The following CNBD1 variants were observed in gnomAD, a reference collection of about 807,000 sequenced individuals.
The protein encoded by CNBD1 is cyclic nucleotide-binding domain-containing protein 1.
Under a neutral mutation model 54.4 loss-of-function variants are expected in CNBD1, and 71 were observed. The observed-to-expected ratio is 1.30, with a 90% CI of 1.08 to 1.59. CNBD1 has a LOEUF of 1.59. Among genes scored for constraint, CNBD1 ranks in the 40% most tolerant of loss-of-function variants. CNBD1 has a pLI of 0.00. For synonymous variants in CNBD1, 182 were observed against 170.7 expected (o/e 1.07, Z -0.51); for missense variants, 659 against 518.0 (o/e 1.27, Z -2.64).
chr8:87,354,603 G>C (rs967874835), intron 10 of CNBD1, among the ~76,000 whole-genome samples: 1 of 148,114 alleles, frequency 6.8e-6, no homozygotes, highest in Non-Finnish European at 1.5e-5. Context: ...TCCCCTTCCT[G>C]TGTCCATGTG....
intron 4 of CNBD1, among the ~76,000 whole-genome samples, chr8:86,986,769 T>A (rs1808618215): frequency 6.6e-6 from 1 of 152,168 alleles, no homozygotes; most frequent in South Asian, 2.1e-4. Flanking sequence ...TTGAACAGGA[T>A]GTTCTTACCT....
At chr8:86,929,055 A>G (rs1167261713) in intron 3 of CNBD1, among the ~76,000 whole-genome samples, 2 of 152,140 alleles carry the variant, frequency 1.3e-5, no homozygotes, top group East Asian at 1.9e-4. Context: ...GGGTCCTTCC[A>G]TAGGTATTTC....
At chr8:87,264,321 C>T (rs1465688628) in intron 6 of CNBD1, among the ~76,000 whole-genome samples, 2 of 152,124 alleles carry the variant, frequency 1.3e-5, no homozygotes, top group Non-Finnish European at 2.9e-5. Flanking sequence ...CTACAAAGGA[C>T]ATGAACTCAT....
intron 8 of CNBD1, among the ~76,000 whole-genome samples, chr8:87,337,852 G>A (rs1459658987): frequency 6.6e-6 from 1 of 152,174 alleles, no homozygotes; most frequent in Non-Finnish European, 1.5e-5. Context: ...TGCAGGATTT[G>A]CATGCTGCTT....
intron 5 of CNBD1, among the ~76,000 whole-genome samples, chr8:87,230,948 GTCTT>G (rs1814675661): frequency 6.6e-6 from 1 of 152,136 alleles, no homozygotes; most frequent in East Asian, 1.9e-4. Context: ...AATTAACAAT[GTCTT>G]TCTTTATAAG....
At chr8:87,384,569 C>CA (rs1811147089), downstream of CNBD1, among the ~76,000 whole-genome samples, 17 of 152,212 alleles carry the variant, frequency 1.1e-4, 2 homozygotes, top group South Asian at 3.5e-3. Flanking sequence ...AAAAATTAAA[C>CA]TGCATAAAGT....
chr8:87,158,886 C>T (rs562943562), intron 4 of CNBD1, among the ~76,000 whole-genome samples: 2 of 152,158 alleles, frequency 1.3e-5, no homozygotes, highest in East Asian at 1.9e-4. Flanking sequence ...TTAATGCAAG[C>T]GACATCATGC....
chr8:87,173,670 T>TC (rs778734442), intron 4 of CNBD1, among the ~76,000 whole-genome samples: 2 of 151,986 alleles, frequency 1.3e-5, no homozygotes, highest in Non-Finnish European at 2.9e-5. Flanking sequence ...TGTTATTTTT[T>TC]TTTTTCGTTG....
At chr8:86,894,154 C>T (rs7814932) in intron 2 of CNBD1, among the ~76,000 whole-genome samples, 71,709 of 142,872 alleles carry the variant, frequency 0.5, 18,036 homozygotes, top group South Asian at 0.58. Flanking sequence ...CTCCGCTTCC[C>T]GGGTTCACGC....
Position 87,054,492 on chromosome 8 carries a change from C to T in CNBD1, c.431+114738C>T, listed in dbSNP as rs137942751. Among the ~76,000 whole-genome samples the T allele has an allele frequency of 8.5e-5, 13 of 152,310 alleles. No homozygotes were observed. The East Asian group carries it at 2.5e-3, about 29-fold the overall frequency. On this transcript the variant is annotated intron_variant, in intron 4 of 10. Transcript: ENST00000518476. ...CCCTGTTTCAAGAAAATCACAGAGACAGCAATTCCTTGAAATACATTCTTG... is the reference window on the plus strand; with the variant it reads ...CCCTGTTTCAAGAAAATCACAGAGATAGCAATTCCTTGAAATACATTCTTG...
chr8:87,378,373 G>A (rs2130956531), intron 10 of CNBD1, among the ~76,000 whole-genome samples: 1 of 149,278 alleles, frequency 6.7e-6, no homozygotes, highest in African/African-American at 2.5e-5. Flanking sequence ...TCTACATATG[G>A]CTAGCCAGTT....
At chr8:87,241,847 G>C (rs1242417529) in intron 6 of CNBD1, among the ~76,000 whole-genome samples, 1 of 152,038 alleles carries the variant, frequency 6.6e-6, no homozygotes, top group African/African-American at 2.4e-5. Context: ...ATAAGAAAAG[G>C]CAATGGTTCT....
intron 8 of CNBD1, among the ~76,000 whole-genome samples, chr8:87,304,435 A>G (rs1012530916): frequency 1.3e-5 from 2 of 151,598 alleles, no homozygotes; most frequent in Non-Finnish European, 2.9e-5. Context: ...GAATTGAACA[A>G]TGAGAACACA....
At chr8:87,225,855 G>T (rs1225997193) in intron 5 of CNBD1, among the ~76,000 whole-genome samples, 1 of 145,212 alleles carries the variant, frequency 6.9e-6, no homozygotes, top group Non-Finnish European at 1.5e-5. Context: ...ATTCAGCTGT[G>T]AATCCATCTG....
At chr8:87,154,886 C>A (rs1030463250) in intron 4 of CNBD1, among the ~76,000 whole-genome samples, 2 of 152,058 alleles carry the variant, frequency 1.3e-5, no homozygotes, top group African/African-American at 4.8e-5. Context: ...TGTGGCACAT[C>A]CAACTTTACT....
intron 8 of CNBD1, among the ~76,000 whole-genome samples, chr8:87,325,328 A>G (rs1252165528): frequency 3.2e-5 from 3 of 92,694 alleles, no homozygotes; most frequent in East Asian, 4.3e-4. Flanking sequence ...TCCGCTTGGT[A>G]CAGAGCTGAG....
rs190634220 is a variant in CNBD1 at position 87,063,783 on chromosome 8, T to C, written c.431+124029T>C. Among the ~76,000 whole-genome samples, 171 of 152,040 alleles carry C rather than the reference T, an allele frequency of 1.1e-3. 1 individual carries two copies. The highest frequency in any genetic ancestry group is 2.0e-3 in the Non-Finnish European group (134 of 67,944). Reference sequence around the variant, plus strand: ...TTAAAACTTCAAAAACTTCTCTCAATAGAGTTTATAATTTTCTGAAAGGAG... The same window carrying C: ...TTAAAACTTCAAAAACTTCTCTCAACAGAGTTTATAATTTTCTGAAAGGAG... On this transcript the variant is annotated intron_variant, in intron 4 of 10. Coordinates refer to ENST00000518476, the MANE Select transcript of CNBD1 (RefSeq NM_173538.3).
downstream of CNBD1, among the ~76,000 whole-genome samples, chr8:87,383,527 G>A (rs562616600): frequency 9.2e-5 from 14 of 152,236 alleles, no homozygotes; most frequent in South Asian, 1.7e-3. Context: ...ACTGAAGTCT[G>A]TCTGCCTTCC....
At chr8:87,041,056 A>G (rs1387357948) in intron 4 of CNBD1, among the ~76,000 whole-genome samples, 1 of 152,076 alleles carries the variant, frequency 6.6e-6, no homozygotes, top group East Asian at 1.9e-4. Context: ...AGTTTTTGCC[A>G]TTTAAAAGTA....
Sources: allele counts gnomAD v4.1 joint callset (sites outside exome capture counted in the v4.1 genomes callset), GRCh38; gene constraint gnomAD v4.1.1; transcripts MANE v1.5; gene names NCBI Gene and HGNC (gene_info 2026-07-23, HGNC 2026-07-21).